MYO3A: variants seen among roughly 807,000 people sequenced by gnomAD.
The protein encoded by MYO3A is myosin IIIA.
A neutral mutation model predicts 192.7 loss-of-function variants in MYO3A; 180 were observed. That is an observed-to-expected ratio of 0.93 (90% CI 0.83 to 1.06). The LOEUF (loss-of-function observed/expected upper bound fraction) is 1.06, where lower values mean the gene tolerates loss of function less well. Ranked by LOEUF, MYO3A falls within the 50% of genes least tolerant of loss-of-function variation. MYO3A has a pLI of 0.00. For synonymous variants in MYO3A, 628 were observed against 645.3 expected, an observed-to-expected ratio of 0.97 and a Z score of 0.41; for missense variants, 1,896 against 1,905.0, an observed-to-expected ratio of 1.00 and a Z score of 0.09.
chr10:26,071,861 T>C (rs1408286028), intron 14 of MYO3A, among the ~76,000 whole-genome samples: 1 of 152,172 alleles, frequency 6.6e-6, no homozygotes, highest in African/African-American at 2.4e-5. Context: ...TGTTTTTTAA[T>C]CTAACAATAC....
At chr10:26,157,220 A>T in intron 25 of MYO3A, 90 bp from the exon 26 acceptor site, 1 of 1,164,384 alleles carries the variant, frequency 8.6e-7, no homozygotes, top group Non-Finnish European at 1.3e-6. Context: ...TCATTTTTTG[A>T]ATGTTATTCT....
intron 26 of MYO3A, among the ~76,000 whole-genome samples, chr10:26,162,802 C>G (rs1297045760): frequency 6.6e-6 from 1 of 152,286 alleles, no homozygotes; most frequent in South Asian, 2.1e-4. Flanking sequence ...CACGGGCGCA[C>G]TAGTGAGAAC....
intron 26 of MYO3A, among the ~76,000 whole-genome samples, chr10:26,160,644 C>T (rs897534101): frequency 7.7e-4 from 117 of 151,748 alleles, no homozygotes; most frequent in African/African-American, 2.7e-3. Context: ...GACCCTATCT[C>T]TAAAAAAAAT....
In MYO3A at chr10:26,211,439, T is replaced by C. The variant is rs539213405; in HGVS notation, c.4731-404T>C. 3.9e-5 allele frequency among the ~76,000 whole-genome samples: 6 copies of C among 152,312 alleles called. No homozygotes were observed. The East Asian group carries it at 1.2e-3, about 29-fold the overall frequency. On this transcript the variant is annotated intron_variant, in intron 34 of 34. Coordinates refer to ENST00000642920, the MANE Select transcript of MYO3A (RefSeq NM_017433.5). ...AAGAAACATCTGAGCAGTTTTAAAA[T>C]GCAAAATATTGAGTGTCTATTTGGG...
intron 20 of MYO3A, among the ~76,000 whole-genome samples, chr10:26,139,692 C>G (rs1313989573): frequency 6.6e-6 from 1 of 151,960 alleles, no homozygotes; most frequent in Non-Finnish European, 1.5e-5. Flanking sequence ...CATTTGAGGT[C>G]AGGCGTTTGA....
intron 14 of MYO3A, among the ~76,000 whole-genome samples, chr10:26,086,647 C>T (rs1208135160): frequency 1.3e-5 from 2 of 152,034 alleles, no homozygotes; most frequent in Non-Finnish European, 2.9e-5. Context: ...GTGGTGCTAC[C>T]CCAGGTGTCT....
At chr10:26,149,958 A>G (rs1377347232) in intron 23 of MYO3A, among the ~76,000 whole-genome samples, 2 of 151,862 alleles carry the variant, frequency 1.3e-5, no homozygotes, top group African/African-American at 2.4e-5. Context: ...AATTCCATCC[A>G]GTATTTGTCT....
At chr10:25,935,936 C>T (rs1011368582) in intron 2 of MYO3A, 106 bp downstream of exon 2, 17 of 152,078 alleles carry the variant, frequency 1.1e-4, no homozygotes, top group African/African-American at 3.6e-4. Flanking sequence ...ATTTTTATTA[C>T]ATTATAAAAG....
intron 4 of MYO3A, among the ~76,000 whole-genome samples, chr10:25,959,839 A>G (rs1370981669): frequency 6.6e-6 from 1 of 150,938 alleles, no homozygotes; most frequent in Non-Finnish European, 1.5e-5. Context: ...CTGTGTGTGT[A>G]CTGCTCAGGC....
chr10:26,125,487 C>T lies in MYO3A; in HGVS notation c.1993C>T (p.Pro665Ser). 1.2e-6 allele frequency: 2 copies of T among 1,614,026 alleles called. No individual in the cohort carries two copies. The highest frequency in any genetic ancestry group is 1.1e-5 in the South Asian group (1 of 91,082). ...VVTRGETIIR[P>S]NTVEKATDVR... ...CACTAGAGGAGAAACAATTATACGA[C>T]CCAATACTGTAGAAAAAGCTACCGA... The change falls in exon 19 of 35, where the codon CCC becomes TCC. Residue 665 changes from proline to serine, a missense_variant. Coordinates refer to ENST00000642920, the MANE Select transcript of MYO3A (RefSeq NM_017433.5).
At chr10:26,134,932 T>G (rs1278840122) in intron 20 of MYO3A, among the ~76,000 whole-genome samples, 1 of 152,222 alleles carries the variant, frequency 6.6e-6, no homozygotes, top group East Asian at 1.9e-4. Flanking sequence ...TCAGGGACTA[T>G]ATATGTCTAT....
intron 17 of MYO3A, among the ~76,000 whole-genome samples, chr10:26,101,910 A>C (rs1425564212): frequency 6.6e-6 from 1 of 151,696 alleles, no homozygotes; most frequent in Non-Finnish European, 1.5e-5. Context: ...TCTTTGTGGC[A>C]TTTTCTGTAT....
chr10:26,073,367 C>T (rs560308645), intron 14 of MYO3A, among the ~76,000 whole-genome samples: 23 of 152,188 alleles, frequency 1.5e-4, no homozygotes, highest in African/African-American at 5.1e-4. Context: ...GTCAGGAGTT[C>T]AAGACCATCC....
At chr10:26,125,312 A>T in intron 18 of MYO3A, 86 bp from the exon 19 acceptor site, 1 of 1,172,506 alleles carries the variant, frequency 8.5e-7, no homozygotes, top group South Asian at 1.3e-5. Flanking sequence ...ATGTCATTTG[A>T]AGAAGGCAGA....
At chr10:26,036,191 G>A (rs1297405616) in intron 10 of MYO3A, among the ~76,000 whole-genome samples, 5 of 151,780 alleles carry the variant, frequency 3.3e-5, no homozygotes, top group East Asian at 1.9e-4. Flanking sequence ...TGCCCGCCTC[G>A]ACCTCCCAAA....
At chr10:25,982,295 G>A (rs1280271145) in intron 4 of MYO3A, among the ~76,000 whole-genome samples, 3 of 152,098 alleles carry the variant, frequency 2.0e-5, no homozygotes, top group Admixed American at 2.0e-4. Flanking sequence ...CCACCTGGTG[G>A]TCTTTCTCTA....
chr10:26,018,082 A>G (rs183744996), intron 7 of MYO3A, among the ~76,000 whole-genome samples: 237 of 151,572 alleles, frequency 1.6e-3, no homozygotes, highest in African/African-American at 5.5e-3. Context: ...GCCATTATTC[A>G]ATATTTAAAT....
intron 23 of MYO3A, among the ~76,000 whole-genome samples, chr10:26,149,028 A>G (rs1433854326): frequency 1.3e-5 from 2 of 152,126 alleles, no homozygotes; most frequent in Non-Finnish European, 2.9e-5. Flanking sequence ...TGAACACAGG[A>G]CAGGTTGCAA....
At chr10:26,011,982 G>T (rs1304161032) in intron 6 of MYO3A, among the ~76,000 whole-genome samples, 1 of 152,124 alleles carries the variant, frequency 6.6e-6, no homozygotes, top group Non-Finnish European at 1.5e-5. Flanking sequence ...CACATAAATA[G>T]AATTAAAACC....
Sources: gnomAD v4.1 joint callset for allele counts (sites outside exome capture counted in the v4.1 genomes callset) on GRCh38, gnomAD v4.1.1 for gene constraint, MANE v1.5 for transcripts, NCBI Gene and HGNC (gene_info 2026-07-23, HGNC 2026-07-21) for gene names.